The following OR13G1 variants were observed in gnomAD, a reference collection of about 807,000 sequenced individuals.
OR13G1 encodes the protein olfactory receptor family 13 subfamily G member 1, also known as olfactory receptor 13G1.
For synonymous variants in OR13G1, 128 were observed against 136.2 expected (o/e 0.94, Z 0.42); for missense variants, 369 against 385.7 (o/e 0.96, Z 0.36).
In OR13G1 at chr1:247,672,270, G is replaced by T. The variant is rs117404602; in HGVS notation, c.772C>A (p.Arg258Ser). Residue 258 changes from arginine (R) to serine (S), a missense_variant, in exon 2 of 2, where the codon CGC becomes AGC. Coordinates refer to ENST00000642119, the MANE Select transcript of OR13G1 (RefSeq NM_001005487.2). ...YYSPVIYTYI[R>S]PASSYTFERD... ...TCAAATGTATAGCTGGAAGCAGGGC[G>T]GATATAGGTGTAGATTACAGGAGAA... 2 of 1,614,076 alleles carry T rather than the reference G, an allele frequency of 1.2e-6. No homozygotes were observed. The highest frequency in any genetic ancestry group is 3.3e-5 in the Admixed American group (2 of 59,980).
rs1558293066 is a variant in OR13G1 at position 247,673,060 on chromosome 1, TG to T, written c.-20del. 2 of 1,551,840 alleles carry T rather than the reference TG, an allele frequency of 1.3e-6. No homozygotes were observed. The highest frequency in any genetic ancestry group is 3.5e-5 in the Admixed American group (2 of 57,490). ...GATTCATCCTGCTTGGGTGATTGAA[TG>T]GCAGTAATTGCACAGAATAAACAAC... On this transcript the variant is annotated 5_prime_UTR_variant, in exon 2 of 2. Coordinates refer to ENST00000642119, the MANE Select transcript of OR13G1 (RefSeq NM_001005487.2).
At chr1:247,677,262 T>C (rs1558294095) in intron 1 of OR13G1, among the ~76,000 whole-genome samples, 1 of 151,910 alleles carries the variant, frequency 6.6e-6, no homozygotes, top group Non-Finnish European at 1.5e-5. Context: ...AAAATAAAAA[T>C]AAGAAAAGAT....
At chr1:247,674,741 G>T (rs540928732) in intron 1 of OR13G1, among the ~76,000 whole-genome samples, 1 of 144,430 alleles carries the variant, frequency 6.9e-6, no homozygotes, top group South Asian at 2.3e-4. Flanking sequence ...CAATGCATGG[G>T]AGTAAAAATA....
chr1:247,674,134 A>G (rs1469317118), intron 1 of OR13G1, among the ~76,000 whole-genome samples: 2 of 152,204 alleles, frequency 1.3e-5, no homozygotes, highest in Non-Finnish European at 1.5e-5. Flanking sequence ...TTGACCTCCC[A>G]AACTGCAGGG....
rs1379116912 is a variant in OR13G1 at position 247,672,073 on chromosome 1, GA to G, written c.*44del. On this transcript the variant is annotated 3_prime_UTR_variant, in exon 2 of 2. Transcript: ENST00000642119. ...AACCAGTAAAATCTGAGATGCTCTAGAAGATGGTTCTGGAGTACAGAAGTGA... is the reference window on the plus strand; with the variant it reads ...AACCAGTAAAATCTGAGATGCTCTAGAGATGGTTCTGGAGTACAGAAGTGA... 6.8e-7 allele frequency: 1 copy of G among 1,477,874 alleles called. No homozygotes were observed. Among genetic ancestry groups the G allele is most frequent in the African/African-American group, 1.4e-5 (1 of 71,748 alleles). 91.5% of individuals were successfully genotyped at this position (1,477,874 alleles called of 1,614,324 possible).
In OR13G1 at chr1:247,673,086, C is replaced by T. The variant is rs192308415; in HGVS notation, c.-45G>A. 1 of 1,405,554 alleles carries T rather than the reference C, an allele frequency of 7.1e-7. No homozygotes were observed. Among genetic ancestry groups the T allele is most frequent in the East Asian group, 2.3e-5 (1 of 43,846 alleles). 87.1% of individuals were successfully genotyped at this position (1,405,554 alleles called of 1,614,324 possible). A position where few individuals can be genotyped will look rare whatever the true frequency, so the allele number is the denominator to read the frequency against. ...GGCAGTAATTGCACAGAATAAACAA[C>T]TGAAAATGGAAAGAATCCCTGTGTT... On this transcript the variant is annotated 5_prime_UTR_variant, in exon 2 of 2. Coordinates refer to ENST00000642119, the MANE Select transcript of OR13G1 (RefSeq NM_001005487.2).
At chr1:247,676,538 A>G in intron 1 of OR13G1, among the ~76,000 whole-genome samples, 1 of 152,282 alleles carries the variant, frequency 6.6e-6, no homozygotes, top group South Asian at 2.1e-4. Flanking sequence ...TCATTATGCT[A>G]TTAGATTATG....
At chr1:247,676,328 C>T (rs1659344972) in intron 1 of OR13G1, among the ~76,000 whole-genome samples, 1 of 151,806 alleles carries the variant, frequency 6.6e-6, no homozygotes, top group East Asian at 1.9e-4. Flanking sequence ...AGTATTCAGT[C>T]GTTAATAATG....
rs1441430110 is a variant in OR13G1 at position 247,674,271 on chromosome 1, A to G, written c.-238-992T>C. ...TTTTGGAACTATTATGATTAGATGA[A>G]TCTAGTGAAAGTATTCAAAATAGTT... On this transcript the variant is annotated intron_variant, in intron 1 of 1. Coordinates refer to ENST00000642119, the MANE Select transcript of OR13G1 (RefSeq NM_001005487.2). Among the ~76,000 whole-genome samples the G allele has an allele frequency of 3.9e-5, 6 of 152,234 alleles. No homozygotes were observed. In the East Asian group the frequency reaches 1.2e-3, roughly 29 times the overall value.
chr1:247,677,486 G>C (rs1027601986), intron 1 of OR13G1, among the ~76,000 whole-genome samples: 1 of 152,086 alleles, frequency 6.6e-6, no homozygotes. Flanking sequence ...GCACCACCTG[G>C]TTTGTAGAAC....
At chr1:247,674,658 A>T (rs1214054357) in intron 1 of OR13G1, among the ~76,000 whole-genome samples, 2 of 152,202 alleles carry the variant, frequency 1.3e-5, no homozygotes, top group Non-Finnish European at 2.9e-5. Context: ...TCCTCTGCAG[A>T]GATGATACAA....
In OR13G1 at chr1:247,672,510, TC is replaced by T. The variant is rs1212615548; in HGVS notation, c.531del (p.Ile178TyrfsTer12). 1 of 1,613,982 alleles carries T rather than the reference TC, an allele frequency of 6.2e-7. No homozygotes were observed. The highest frequency in any genetic ancestry group is 8.5e-7 in the Non-Finnish European group (1 of 1,180,016). ...CAGGACAAAGCCAGCAATGGGGGTA[TC>T]TCACAGAAGAAGTGGTCAATGGTGT... ...GPNTIDHFFC[E>X]IPPLLALSCS... On this transcript the variant is annotated frameshift_variant, in exon 2 of 2. Coordinates refer to ENST00000642119, the MANE Select transcript of OR13G1 (RefSeq NM_001005487.2). LOFTEE classifies it low-confidence loss of function (END_TRUNC).
intron 1 of OR13G1, among the ~76,000 whole-genome samples, chr1:247,679,137 T>C (rs1659410568): frequency 6.6e-6 from 1 of 152,054 alleles, no homozygotes; most frequent in Non-Finnish European, 1.5e-5. Flanking sequence ...ATGAAACCCT[T>C]GTAAGGTTCT....
rs1174623624 is a variant in OR13G1 at position 247,672,261 on chromosome 1, A to G, written c.781T>C (p.Ser261Pro). The G allele has an allele frequency of 6.2e-7, 1 of 1,614,120 alleles. No individual in the cohort carries two copies. The highest frequency in any genetic ancestry group is 1.1e-5 in the South Asian group (1 of 91,074). ...TTGTCTCTTTCAAATGTATAGCTGGAAGCAGGGCGGATATAGGTGTAGATT... is the reference window on the plus strand; with the variant it reads ...TTGTCTCTTTCAAATGTATAGCTGGGAGCAGGGCGGATATAGGTGTAGATT... ...PVIYTYIRPA[S>P]SYTFERDKVV... Residue 261 changes from serine to proline, a missense_variant, in exon 2 of 2, where the codon TCC (serine) becomes CCC (proline). Ser to Pro is a moderately conservative substitution (Grantham distance 74, BLOSUM62 -1). Coordinates refer to ENST00000642119, the MANE Select transcript of OR13G1 (RefSeq NM_001005487.2).
Position 247,671,923 on chromosome 1 carries a change from A to G in OR13G1, c.*195T>C, listed in dbSNP as rs1234444799. ...TTATGACATATATTTATGTGAGGGT[A>G]TTGTGCATATTGCTTTATGAATATT... On this transcript the variant is annotated 3_prime_UTR_variant, in exon 2 of 2. Coordinates refer to ENST00000642119, the MANE Select transcript of OR13G1 (RefSeq NM_001005487.2). 2 of 560,612 alleles carry G rather than the reference A, an allele frequency of 3.6e-6. No individual in the cohort carries two copies. Among genetic ancestry groups the G allele is most frequent in the Non-Finnish European group, 6.3e-6 (2 of 318,110 alleles). 34.7% of individuals were successfully genotyped at this position (560,612 alleles called of 1,614,324 possible). A position where few individuals can be genotyped will look rare whatever the true frequency, so the allele number is the denominator to read the frequency against.
In OR13G1 at chr1:247,672,852, C is replaced by A; in HGVS notation, c.190G>T (p.Ala64Ser). 6.2e-7 allele frequency: 1 copy of A among 1,613,934 alleles called. No individual in the cohort carries two copies. Among genetic ancestry groups the A allele is most frequent in the South Asian group, 1.1e-5 (1 of 91,070 alleles). Residue 64 changes from alanine (A) to serine (S), a missense_variant, in exon 2 of 2, where the codon GCT becomes TCT. Ala to Ser is a moderately conservative substitution (Grantham distance 99). Coordinates refer to ENST00000642119, the MANE Select transcript of OR13G1 (RefSeq NM_001005487.2). ...TPMYVFLLTLAVVDIICTTSI... is the reference protein window; with the variant it reads ...TPMYVFLLTLSVVDIICTTSI... Reference sequence around the variant, plus strand: ...GTTGTGCAGATGATGTCCACAACAGCCAGTGTCAGAAGGAAAACATACATG... The same window carrying A: ...GTTGTGCAGATGATGTCCACAACAGACAGTGTCAGAAGGAAAACATACATG...
chr1:247,672,249 A>G lies in OR13G1; in HGVS notation c.793T>C (p.Phe265Leu). Residue 265 changes from phenylalanine (F) to leucine (L), a missense_variant, in exon 2 of 2, where the codon TTT (phenylalanine) becomes CTT (leucine). Transcript: ENST00000642119. ...TYIRPASSYT[F>L]ERDKVVAALY... ...GCAGCTACCACCTTGTCTCTTTCAA[A>G]TGTATAGCTGGAAGCAGGGCGGATA... The G allele has an allele frequency of 3.7e-6, 6 of 1,614,108 alleles. No individual in the cohort carries two copies. Among genetic ancestry groups the G allele is most frequent in the Non-Finnish European group, 5.1e-6 (6 of 1,179,998 alleles).
rs543334482 is a variant in OR13G1 at position 247,672,169 on chromosome 1, A to G, written c.873T>C (p.Asn291=). ...TLNPMVYSFQ[N]REMQAGIRKV... ...TCCTAATTCCTGCCTGCATCTCCCTATTCTGGAAGCTGTACACCATCGGGT... is the reference window on the plus strand; with the variant it reads ...TCCTAATTCCTGCCTGCATCTCCCTGTTCTGGAAGCTGTACACCATCGGGT... Residue 291 remains asparagine (N), a synonymous_variant, in exon 2 of 2, where the codon AAT becomes AAC. Coordinates refer to ENST00000642119, the MANE Select transcript of OR13G1 (RefSeq NM_001005487.2). The G allele has an allele frequency of 1.1e-5, 18 of 1,613,916 alleles. No individual in the cohort carries two copies. Among genetic ancestry groups the G allele is most frequent in the South Asian group, 3.3e-5 (3 of 91,070 alleles).
At chr1:247,678,680 G>A (rs1233683915) in intron 1 of OR13G1, among the ~76,000 whole-genome samples, 1 of 152,188 alleles carries the variant, frequency 6.6e-6, no homozygotes, top group African/African-American at 2.4e-5. Context: ...TCTAGGTTTC[G>A]AAGTGATCAG....
Sources: allele counts gnomAD v4.1 joint callset (sites outside exome capture counted in the v4.1 genomes callset), GRCh38; gene constraint gnomAD v4.1.1; transcripts MANE v1.5; gene names NCBI Gene and HGNC (gene_info 2026-07-23, HGNC 2026-07-21).